SLX4: variants seen among roughly 807,000 people sequenced by gnomAD.
SLX4 encodes the protein SLX4 structure-specific endonuclease subunit.
Under a neutral mutation model 146.2 loss-of-function variants are expected in SLX4, and 112 were observed. The ratio of observed to expected loss-of-function variants is 0.77; its 90% CI spans 0.66 to 0.90. The LOEUF is 0.90. Ranked by LOEUF, SLX4 falls within the 40% of genes least tolerant of loss-of-function variation. The pLI is 0.00. For missense variants in SLX4, 2,563 were observed against 2,392.7 expected, an observed-to-expected ratio of 1.07 and a Z score of -1.49; for synonymous variants, 1,061 against 997.7, an observed-to-expected ratio of 1.06 and a Z score of -1.20.
intron 10 of SLX4, among the ~76,000 whole-genome samples, chr16:3,593,909 T>C (rs1433991414): frequency 6.6e-6 from 1 of 152,200 alleles, no homozygotes; most frequent in Admixed American, 6.5e-5. Flanking sequence ...TCTTGCTCTG[T>C]CGCCCAGGCT....
intron 12 of SLX4, among the ~76,000 whole-genome samples, chr16:3,587,904 TC>T (rs113632877): frequency 0.063 from 9,538 of 152,184 alleles, 309 homozygotes; most frequent in Admixed American, 0.074. Flanking sequence ...GCCCGGCCTG[TC>T]CTTGCCCTCC....
At position 3,608,886 on chromosome 16, in the gene SLX4, C is replaced by G. The variant is rs1324860353; in HGVS notation, c.79G>C (p.Asp27His). 1.9e-6 allele frequency: 3 copies of G among 1,614,170 alleles called. No homozygotes were observed. Among genetic ancestry groups the G allele is most frequent in the Non-Finnish European group, 2.5e-6 (3 of 1,180,040 alleles). The change falls in exon 2 of 15, where the codon GAC becomes CAC. Residue 27 changes from aspartate to histidine, a missense_variant. Asp to His is a moderately conservative substitution (Grantham distance 81). Transcript: ENST00000294008. ...GGCTGGTCTTCAGAGGAGCGAGGGT[C>G]AATCCCAGGACAGGCAGACAGATGA... The part of the protein sequence containing the change: ...LSHLSACPGI[D>H]PRSSEDQPES...
Position 3,597,787 on chromosome 16 carries a change from T to C in SLX4, c.1366+10A>G. 6.2e-7 allele frequency: 1 copy of C among 1,614,150 alleles called. No individual in the cohort carries two copies. The highest frequency in any genetic ancestry group is 8.5e-7 in the Non-Finnish European group (1 of 1,180,018). On this transcript the variant is annotated intron_variant, in intron 6 of 14. Transcript: ENST00000294008. The surrounding 1 kb of genome is among the most constrained non-coding windows in gnomAD (Gnocchi z 4.4). Reference sequence around the variant, plus strand: ...GCCTCTCCCAGGGTCACTCTTCTGATCACACAAACCTGCTTCTGGTCTTAT... The same window carrying C: ...GCCTCTCCCAGGGTCACTCTTCTGACCACACAAACCTGCTTCTGGTCTTAT...
At chr16:3,586,766 C>T (rs1037801835) in intron 12 of SLX4, among the ~76,000 whole-genome samples, 1 of 149,314 alleles carries the variant, frequency 6.7e-6, no homozygotes, top group African/African-American at 2.5e-5. Flanking sequence ...TGCAGTGAGC[C>T]GAGATCGTGC....
intron 5 of SLX4, among the ~76,000 whole-genome samples, chr16:3,598,813 C>T (rs1035352310): frequency 6.6e-6 from 1 of 152,228 alleles, no homozygotes; most frequent in Non-Finnish European, 1.5e-5. Flanking sequence ...GCTGCCTGGG[C>T]AGCCTGGGAC....
intron 3 of SLX4, among the ~76,000 whole-genome samples, chr16:3,602,700 G>A (rs559009817): frequency 6.6e-6 from 1 of 152,136 alleles, no homozygotes; most frequent in Non-Finnish European, 1.5e-5. Flanking sequence ...GGCTACCTCG[G>A]GCATTGCAAG....
chr16:3,593,044 T>G (rs1257608358), intron 10 of SLX4, among the ~76,000 whole-genome samples, 179 bp from the exon 11 acceptor site: 1 of 152,158 alleles, frequency 6.6e-6, no homozygotes, highest in Non-Finnish European at 1.5e-5. Flanking sequence ...ACTGCAGCCT[T>G]GAACTCCTAG....
rs571664186 is a variant in SLX4 at position 3,588,031 on chromosome 16, G to A, written c.4636+971C>T. Reference sequence around the variant, plus strand: ...GCATCCCTGCACCTGGGAGGACCAGGAAGAACAGGCCTAACAGCCTCTCAC... The same window carrying A: ...GCATCCCTGCACCTGGGAGGACCAGAAAGAACAGGCCTAACAGCCTCTCAC... On this transcript the variant is annotated intron_variant, in intron 12 of 14. Transcript: ENST00000294008. Among the ~76,000 whole-genome samples, 3 of 152,314 alleles carry A rather than the reference G, an allele frequency of 2.0e-5. No individual in the cohort carries two copies. In the East Asian group the frequency reaches 5.8e-4, roughly 29 times the overall value.
intron 5 of SLX4, among the ~76,000 whole-genome samples, chr16:3,600,355 C>T (rs1439419487): frequency 6.6e-6 from 1 of 152,098 alleles, no homozygotes; most frequent in Non-Finnish European, 1.5e-5. Context: ...GGGTTGGGGA[C>T]CCCTGCACTA....
intron 12 of SLX4, among the ~76,000 whole-genome samples, chr16:3,585,677 G>C (rs139383679): frequency 6.7e-6 from 1 of 150,306 alleles, no homozygotes; most frequent in South Asian, 2.1e-4. Context: ...AAAGGTGCCC[G>C]ACATCATTAG....
Position 3,584,700 on chromosome 16 carries a change from T to C in SLX4, c.4739+69A>G, listed in dbSNP as rs960375339. On this transcript the variant is annotated intron_variant, in intron 13 of 14. Coordinates refer to ENST00000294008, the MANE Select transcript of SLX4 (RefSeq NM_032444.4). ...CACGGGGGGCCCTTCCGCCCCCAGG[T>C]GTGTGAAACCCAGTTACTTATGGGA... 5.7e-6 allele frequency: 7 copies of C among 1,217,678 alleles called. No individual in the cohort carries two copies. In the African/African-American group the frequency reaches 1.0e-4, roughly 18 times the overall value. The allele number at this position is 1,217,678 out of a possible 1,614,324, so 75.4% of individuals were successfully genotyped here.
Position 3,599,055 on chromosome 16 carries a change from C to T in SLX4, c.1164-1056G>A, listed in dbSNP as rs59325374. Among the ~76,000 whole-genome samples the T allele has an allele frequency of 8.8e-3, 1,339 of 152,324 alleles. 19 individuals carry two copies. The highest frequency in any genetic ancestry group is 0.031 in the African/African-American group (1,283 of 41,572). ...GATCCACATACATCTAGTTTCAGTA[C>T]TTGGAGGTATTCTAAAGGCAGACAT... On this transcript the variant is annotated intron_variant, in intron 5 of 14. Coordinates refer to ENST00000294008, the MANE Select transcript of SLX4 (RefSeq NM_032444.4).
chr16:3,590,377 G>T lies in SLX4; in HGVS notation c.3261C>A (p.Ser1087Arg). ...AVPSKQKRDR[S>R]ILTLSKEPGH... ...CTGGCTCTTTAGACAGCGTGAGGAT[G>T]CTCCTGTCCCTTTTCTGCTTTGATG... The change falls in exon 12 of 15, where the codon AGC becomes AGA. Residue 1087 changes from serine (S) to arginine (R), a missense_variant. Coordinates refer to ENST00000294008, the MANE Select transcript of SLX4 (RefSeq NM_032444.4). The surrounding 1 kb of genome is among the most constrained non-coding windows in gnomAD (Gnocchi z 4.8). 1 of 1,614,244 alleles carries T rather than the reference G, an allele frequency of 6.2e-7. No homozygotes were observed. Among genetic ancestry groups the T allele is most frequent in the Non-Finnish European group, 8.5e-7 (1 of 1,180,046 alleles).
At position 3,582,576 on chromosome 16, in the gene SLX4, C is replaced by T. The variant is rs761845224; in HGVS notation, c.5271G>A (p.Arg1757=). ...GGGCCGGCTTGGAGCGGATGTAGCA[C>T]CTCAGCGCCTCGTCTGTGTCCGCCG... ...VQAADTDEAL[R]CYIRSKPALY... The change falls in exon 15 of 15, where the codon AGG becomes AGA. Residue 1757 remains arginine (R), a synonymous_variant. Transcript: ENST00000294008. The T allele has an allele frequency of 1.2e-6, 2 of 1,613,748 alleles. No homozygotes were observed. Among genetic ancestry groups the T allele is most frequent in the Non-Finnish European group, 1.7e-6 (2 of 1,180,042 alleles).
chr16:3,589,744 G>C lies in SLX4; in HGVS notation c.3894C>G (p.Asn1298Lys), dbSNP rs1260811996. 4.3e-6 allele frequency: 7 copies of C among 1,613,882 alleles called. No individual in the cohort carries two copies. Among genetic ancestry groups the C allele is most frequent in the Non-Finnish European group, 5.1e-6 (6 of 1,180,040 alleles). ...TCTGTGCGACTTCGTTCCCTTCCCT[G>C]TTTCCTACTGAGGCCCTGGGCGTGT... is the stretch of plus-strand genomic sequence containing the variant. ...TQHTPRASVG[N>K]REGNEVAQKF... is the part of the protein sequence containing the mutation. The change falls in exon 12 of 15, where the codon AAC becomes AAG. Residue 1298 changes from asparagine to lysine, a missense_variant. Transcript: ENST00000294008. The surrounding 1 kb of genome is among the most constrained non-coding windows in gnomAD (Gnocchi z 6.2).
intron 7 of SLX4, among the ~76,000 whole-genome samples, chr16:3,596,909 G>A (rs1173820041): frequency 1.3e-5 from 2 of 149,668 alleles, no homozygotes; most frequent in Non-Finnish European, 3.0e-5. Flanking sequence ...TGCAACTTCC[G>A]CCTCCCCGGT....
rs147492092 is a variant in SLX4, at chr16:3,590,984, G to A, written c.2654C>T (p.Pro885Leu). 692 of 1,614,156 alleles carry A rather than the reference G, an allele frequency of 4.3e-4. No homozygotes were observed. Among genetic ancestry groups the A allele is most frequent in the Admixed American group, 6.0e-4 (36 of 60,022 alleles). ...ACCTGCTAGGAGTTGCCCAGAAACC[G>A]GACTGCCACCCTCCAGCCAGTCAGC... ...EDADWLEGGSPVSGQLLAGVQ... is the reference protein window; with the variant it reads ...EDADWLEGGSLVSGQLLAGVQ... The change falls in exon 12 of 15, where the codon CCG (proline) becomes CTG (leucine). Residue 885 changes from proline to leucine, a missense_variant. Transcript: ENST00000294008. This position sits in a 1 kb window ranked among gnomAD's most constrained non-coding sequence, Gnocchi z 4.8.
chr16:3,595,498 A>G, intron 9 of SLX4, 107 bp downstream of exon 9: 1 of 1,243,672 alleles, frequency 8.0e-7, no homozygotes, highest in Non-Finnish European at 1.2e-6. Context: ...TTGAGAGGCC[A>G]CTGCACTTGC....
intron 10 of SLX4, 49 bp downstream of exon 10, chr16:3,594,399 GGAGGA>G (rs1161913664): frequency 5.1e-6 from 8 of 1,577,792 alleles, no homozygotes; most frequent in Non-Finnish European, 6.9e-6. Context: ...GAGAAAGGCA[GGAGGA>G]GAGAGGGAGA....
Sources: allele counts gnomAD v4.1 joint callset (sites outside exome capture counted in the v4.1 genomes callset), GRCh38; gene constraint gnomAD v4.1.1; non-coding constraint Gnocchi (gnomAD v3.1); transcripts MANE v1.5; gene names NCBI Gene and HGNC (gene_info 2026-07-23, HGNC 2026-07-21).